Variants in ASPHD2 observed in about 807,000 individuals in gnomAD.
The protein encoded by ASPHD2 is aspartate beta-hydroxylase domain containing 2, also known as aspartate beta-hydroxylase domain-containing protein 2.
ASPHD2 carries 12 observed loss-of-function variants against 34.6 expected under a neutral mutation model. The observed-to-expected ratio is 0.35, with a 90% CI of 0.22 to 0.56. ASPHD2 has a LOEUF of 0.56. Among genes scored for constraint, ASPHD2 ranks in the 20% least tolerant of loss-of-function variants. The pLI is 0.87. For synonymous variants in ASPHD2, 224 were observed against 212.2 expected (o/e 1.06, Z -0.48); for missense variants, 375 against 505.0 (o/e 0.74, Z 2.47).
intron 2 of ASPHD2, among the ~76,000 whole-genome samples, chr22:26,437,240 T>C (rs1488946311): frequency 3.3e-5 from 5 of 152,150 alleles, no homozygotes; most frequent in Non-Finnish European, 5.9e-5. Context: ...TGGCTGAAGG[T>C]AGAGGCACCT....
intron 2 of ASPHD2, among the ~76,000 whole-genome samples, chr22:26,441,571 C>A (rs1334354823): frequency 6.7e-6 from 1 of 148,534 alleles, no homozygotes; most frequent in Non-Finnish European, 1.5e-5. Context: ...AAGCAAATCT[C>A]TTGAGGTCAG....
Position 26,443,344 on chromosome 22 carries a change from A to G in ASPHD2, c.*138A>G, listed in dbSNP as rs2084871168. On this transcript the variant is annotated 3_prime_UTR_variant, in exon 4 of 4. Transcript: ENST00000215906. Reference sequence around the variant, plus strand: ...GGAAAGCTCTTATTTGGGATTTTATATCATGTCGGGTCCCTCTTTCCCTTG... The same window carrying G: ...GGAAAGCTCTTATTTGGGATTTTATGTCATGTCGGGTCCCTCTTTCCCTTG... The G allele has an allele frequency of 2.9e-6, 2 of 679,514 alleles. No homozygotes were observed. The highest frequency in any genetic ancestry group is 5.5e-5 in the East Asian group (2 of 36,594). The allele number at this position is 679,514 out of a possible 1,614,324, so 42.1% of individuals were successfully genotyped here.
Position 26,432,254 on chromosome 22 carries a change from A to G in ASPHD2, c.-224-1138A>G, listed in dbSNP as rs565554969. Among the ~76,000 whole-genome samples, 66 of 152,340 alleles carry G rather than the reference A, an allele frequency of 4.3e-4. No homozygotes were observed. The South Asian group carries it at 0.013, about 30-fold the overall frequency. ...TGCCCAAGGTTGGGATGAATCCTCA[A>G]CTGGGCCCATCTCTAATCTGGCTTC... is the stretch of plus-strand genomic sequence containing the variant. On this transcript the variant is annotated intron_variant, in intron 1 of 3. Coordinates refer to ENST00000215906, the MANE Select transcript of ASPHD2 (RefSeq NM_020437.5).
At chr22:26,442,094 A>C (rs1454689775) in intron 2 of ASPHD2, among the ~76,000 whole-genome samples, 2 of 136,770 alleles carry the variant, frequency 1.5e-5, no homozygotes, top group African/African-American at 5.7e-5. Flanking sequence ...CAACAGAGAG[A>C]GACTCCATTT....
In ASPHD2 at chr22:26,433,111, T is replaced by C. The variant is rs377458767; in HGVS notation, c.-224-281T>C. On this transcript the variant is annotated intron_variant, in intron 1 of 3. Transcript: ENST00000215906. This position sits in a 1 kb window ranked among gnomAD's most constrained non-coding sequence, Gnocchi z 5.1. ...ACTCTCGTGAGTTATGTAACTTCTC[T>C]GAGCCTCAGTTTTCTCATCTGTAAA... 2.0e-4 allele frequency among the ~76,000 whole-genome samples: 30 copies of C among 152,334 alleles called. No homozygotes were observed. Among genetic ancestry groups the C allele is most frequent in the African/African-American group, 7.0e-4 (29 of 41,566 alleles).
chr22:26,433,688 C>T lies in ASPHD2; in HGVS notation c.73C>T (p.Pro25Ser). The T allele has an allele frequency of 6.2e-7, 1 of 1,614,148 alleles. No individual in the cohort carries two copies. The highest frequency in any genetic ancestry group is 8.5e-7 in the Non-Finnish European group (1 of 1,180,034). ...TLLHTPSKDS[P>S]KMSLEWLVAW... Reference sequence around the variant, plus strand: ...GCTTCACACGCCCAGTAAGGACTCCCCCAAGATGTCGCTCGAGTGGCTGGT... The same window carrying T: ...GCTTCACACGCCCAGTAAGGACTCCTCCAAGATGTCGCTCGAGTGGCTGGT... The change falls in exon 2 of 4, where the codon CCC (proline) becomes TCC (serine). Residue 25 changes from proline to serine, a missense_variant. By Grantham distance (74) the Pro-to-Ser change is moderately conservative. Transcript: ENST00000215906. This position sits in a 1 kb window ranked among gnomAD's most constrained non-coding sequence, Gnocchi z 5.1.
At chr22:26,441,747 A>AC (rs2084843178) in intron 2 of ASPHD2, among the ~76,000 whole-genome samples, 1 of 151,874 alleles carries the variant, frequency 6.6e-6, no homozygotes, top group African/African-American at 2.4e-5. Context: ...AGATGGTGAA[A>AC]CCCCATCTCT....
At chr22:26,430,198 G>A (rs1388771626) in intron 1 of ASPHD2, among the ~76,000 whole-genome samples, 1 of 152,186 alleles carries the variant, frequency 6.6e-6, no homozygotes, top group Admixed American at 6.5e-5. Flanking sequence ...GCTCACTGGG[G>A]GGCTTCCAGG....
In ASPHD2 at chr22:26,434,080, C is replaced by T; in HGVS notation, c.465C>T (p.Tyr155=). 6.2e-7 allele frequency: 1 copy of T among 1,613,294 alleles called. No homozygotes were observed. Among genetic ancestry groups the T allele is most frequent in the Non-Finnish European group, 8.5e-7 (1 of 1,179,860 alleles). Residue 155 remains tyrosine (Y), a synonymous_variant, in exon 2 of 4, where the codon TAC becomes TAT. Transcript: ENST00000215906. ...IHKGIREQGR[Y]LNSRPSIQKP... ...AGGGCATCCGCGAGCAGGGCCGGTA[C>T]CTCAACAGCCGGCCCTCCATCCAGA...
chr22:26,432,063 C>T lies in ASPHD2; in HGVS notation c.-224-1329C>T, dbSNP rs565383345. Among the ~76,000 whole-genome samples, 8 of 152,274 alleles carry T rather than the reference C, an allele frequency of 5.3e-5. No individual in the cohort carries two copies. In the South Asian group the frequency reaches 8.3e-4, roughly 16 times the overall value. On this transcript the variant is annotated intron_variant, in intron 1 of 3. Transcript: ENST00000215906. ...ATACAAAATTAGCTGGGTGTGATGG[C>T]GCATGCCTGTAATCCCAGCTACTCA...
chr22:26,443,219 T>C lies in ASPHD2; in HGVS notation c.*13T>C, dbSNP rs1601708997. 1 of 1,612,194 alleles carries C rather than the reference T, an allele frequency of 6.2e-7. No homozygotes were observed. ...TCCGGGACGATGAGAGTATTTCCCA[T>C]GCTGGAGTCGGCGAGAAGGGCCGAG... is the stretch of plus-strand genomic sequence containing the variant. On this transcript the variant is annotated 3_prime_UTR_variant, in exon 4 of 4. Transcript: ENST00000215906.
chr22:26,438,570 TACATATATATACATACATATATATACAC>T (rs2084812383), intron 2 of ASPHD2, among the ~76,000 whole-genome samples: 1 of 122,286 alleles, frequency 8.2e-6, no homozygotes, highest in South Asian at 2.6e-4. Flanking sequence ...TATATACACA[TACATATATATACATACATATATATACAC>T]ACATATATAC....
rs766140479 is a variant in ASPHD2, at chr22:26,434,113, G to A, written c.498G>A (p.Glu166=). The A allele has an allele frequency of 3.1e-6, 5 of 1,612,470 alleles. No homozygotes were observed. The highest frequency in any genetic ancestry group is 1.3e-5 in the African/African-American group (1 of 74,812). ...GCCGGCCCTCCATCCAGAAGCCCGA[G>A]GTCTTCTTCCTGCCCGACCTGCCCA... ...LNSRPSIQKP[E]VFFLPDLPTT... The change falls in exon 2 of 4, where the codon GAG becomes GAA. Residue 166 remains glutamate (E), a synonymous_variant. Transcript: ENST00000215906.
intron 1 of ASPHD2, among the ~76,000 whole-genome samples, chr22:26,432,367 G>A (rs1346728443): frequency 6.6e-6 from 1 of 152,232 alleles, no homozygotes; most frequent in African/African-American, 2.4e-5. Context: ...TTTAAGCTGT[G>A]AGAGGGTAGA....
At chr22:26,441,727 C>T (rs1397374028) in intron 2 of ASPHD2, among the ~76,000 whole-genome samples, 3 of 151,912 alleles carry the variant, frequency 2.0e-5, no homozygotes, top group East Asian at 1.9e-4. Flanking sequence ...GTTCAAGACC[C>T]GCCTGGCCAA....
rs2146140632 is a variant in ASPHD2, at chr22:26,443,779, GACACAGTCAGGGTGGC to G, written c.*581_*596del. On this transcript the variant is annotated 3_prime_UTR_variant, in exon 4 of 4. Transcript: ENST00000215906. The stretch of plus-strand genomic sequence containing the variant: ...CAGTAGCCAGGTGGAGGGGCTGCCA[GACACAGTCAGGGTGGC>G]ACACAGTGTCCAGGCCCAGGGATAC... 1 of 152,552 alleles carries G rather than the reference GACACAGTCAGGGTGGC, an allele frequency of 6.6e-6. No individual in the cohort carries two copies. The highest frequency in any genetic ancestry group is 6.5e-5 in the Admixed American group (1 of 15,310). The allele number at this position is 152,552 out of a possible 1,614,324, so 9.4% of individuals were successfully genotyped here. A position where few individuals can be genotyped will look rare whatever the true frequency, so the allele number is the denominator to read the frequency against.
Position 26,433,813 on chromosome 22 carries a change from C to T in ASPHD2, c.198C>T (p.Cys66=), listed in dbSNP as rs1265075944. Residue 66 remains cysteine, a synonymous_variant, in exon 2 of 4, where the codon TGC becomes TGT. Transcript: ENST00000215906. This position sits in a 1 kb window ranked among gnomAD's most constrained non-coding sequence, Gnocchi z 5.1. Reference sequence around the variant, plus strand: ...CCACCGCTGTCATCACTGTGGCCTGCCTCCTGGTCCTCTTCGTGTGGTACT... The same window carrying T: ...CCACCGCTGTCATCACTGTGGCCTGTCTCCTGGTCCTCTTCGTGTGGTACT... The part of the protein sequence containing the change: ...CDTTAVITVA[C]LLVLFVWYCY... The T allele has an allele frequency of 6.2e-7, 1 of 1,613,970 alleles. No homozygotes were observed. Among genetic ancestry groups the T allele is most frequent in the Admixed American group, 1.7e-5 (1 of 60,014 alleles).
rs754339838 is a variant in ASPHD2 at position 26,434,360 on chromosome 22, C to A, written c.745C>A (p.Arg249=). 1.2e-6 allele frequency: 2 copies of A among 1,614,086 alleles called. No individual in the cohort carries two copies. Among genetic ancestry groups the A allele is most frequent in the Admixed American group, 1.7e-5 (1 of 60,002 alleles). Residue 249 remains arginine (R), a synonymous_variant, in exon 2 of 4, where the codon CGG becomes AGG. Coordinates refer to ENST00000215906, the MANE Select transcript of ASPHD2 (RefSeq NM_020437.5). The part of the protein sequence containing the change: ...CVPRNCRKCP[R]TYRLLGSLRT... Reference sequence around the variant, plus strand: ...TCCCAGGAACTGTAGGAAGTGCCCACGGACGTACCGCTTGCTCGGAAGCCT... The same window carrying A: ...TCCCAGGAACTGTAGGAAGTGCCCAAGGACGTACCGCTTGCTCGGAAGCCT...
In ASPHD2 at chr22:26,434,155, C is replaced by T; in HGVS notation, c.540C>T (p.Ser180=). The T allele has an allele frequency of 1.2e-6, 2 of 1,612,306 alleles. No individual in the cohort carries two copies. Among genetic ancestry groups the T allele is most frequent in the Non-Finnish European group, 1.7e-6 (2 of 1,179,142 alleles). The change falls in exon 2 of 4, where the codon TCC becomes TCT. Residue 180 remains serine (S), a synonymous_variant. Coordinates refer to ENST00000215906, the MANE Select transcript of ASPHD2 (RefSeq NM_020437.5). ...LPDLPTTPYF[S]RDAQKHDVEV... ...ACCTGCCCACCACGCCCTATTTCTC[C>T]CGGGACGCACAGAAACATGATGTGG...
Sources: allele counts gnomAD v4.1 joint callset (sites outside exome capture counted in the v4.1 genomes callset), GRCh38; gene constraint gnomAD v4.1.1; non-coding constraint Gnocchi (gnomAD v3.1); transcripts MANE v1.5; gene names NCBI Gene and HGNC (gene_info 2026-07-23, HGNC 2026-07-21).